Variants in MSRA observed in about 807,000 individuals in gnomAD.
The protein encoded by MSRA is mitochondrial peptide methionine sulfoxide reductase.
MSRA carries 54 observed loss-of-function variants against 31.3 expected under a neutral mutation model. The ratio of observed to expected loss-of-function variants is 1.73; its 90% CI spans 1.39 to 2.17. The LOEUF (loss-of-function observed/expected upper bound fraction) is 2.17, where lower values mean the gene tolerates loss of function less well. Among genes scored for constraint, MSRA ranks in the 30% most tolerant of loss-of-function variants. The pLI is 0.00. For missense variants in MSRA, 507 were observed against 300.9 expected (o/e 1.69, Z -5.07); for synonymous variants, 169 against 116.5 (o/e 1.45, Z -2.90).
chr8:10,219,634 G>A (rs1435638755), intron 2 of MSRA, among the ~76,000 whole-genome samples: 5 of 151,668 alleles, frequency 3.3e-5, no homozygotes, highest in South Asian at 2.1e-4. Flanking sequence ...GTGAAACCCC[G>A]TCTCTACTAA....
chr8:10,266,948 T>G (rs1481652874), intron 3 of MSRA, among the ~76,000 whole-genome samples: 1 of 152,242 alleles, frequency 6.6e-6, no homozygotes, highest in Non-Finnish European at 1.5e-5. Flanking sequence ...TCATAATACA[T>G]TTAATGAAAG....
intron 3 of MSRA, among the ~76,000 whole-genome samples, chr8:10,246,341 C>G (rs1797622424): frequency 1.3e-5 from 2 of 152,204 alleles, no homozygotes; most frequent in African/African-American, 4.8e-5. Context: ...CAGATTACCT[C>G]TCTGGACTTG....
intron 1 of MSRA, among the ~76,000 whole-genome samples, chr8:10,088,889 G>A (rs528109266): frequency 1.3e-5 from 2 of 152,156 alleles, no homozygotes; most frequent in African/African-American, 4.8e-5. Flanking sequence ...CACAGAGAGA[G>A]AAATATTACA....
intron 1 of MSRA, among the ~76,000 whole-genome samples, chr8:10,151,204 G>T (rs1803637471): frequency 6.7e-6 from 1 of 149,570 alleles, no homozygotes; most frequent in Non-Finnish European, 1.5e-5. Context: ...GGGAGGCGCA[G>T]TGAGCCAAGA....
intron 5 of MSRA, among the ~76,000 whole-genome samples, chr8:10,366,367 C>G (rs746123236): frequency 4.6e-5 from 7 of 152,218 alleles, no homozygotes; most frequent in Non-Finnish European, 8.8e-5. Context: ...TCGGAAGATG[C>G]GAGGGCCCCA....
At chr8:10,108,206 T>A (rs1333588730) in intron 1 of MSRA, among the ~76,000 whole-genome samples, 4 of 152,228 alleles carry the variant, frequency 2.6e-5, no homozygotes, top group Non-Finnish European at 4.4e-5. Context: ...TGTTCTTAAG[T>A]CTCTGTTGCA....
At chr8:10,169,610 G>T (rs1174809843) in intron 1 of MSRA, among the ~76,000 whole-genome samples, 1 of 152,152 alleles carries the variant, frequency 6.6e-6, no homozygotes, top group East Asian at 1.9e-4. Context: ...AAAAGAAAAT[G>T]ATAGATTGGA....
intron 1 of MSRA, among the ~76,000 whole-genome samples, chr8:10,179,043 A>C (rs781543159): frequency 2.0e-5 from 3 of 152,180 alleles, no homozygotes; most frequent in South Asian, 2.1e-4. Context: ...AGAAAGAGTT[A>C]AAACTCCCTA....
At chr8:10,197,054 G>A (rs1438383030) in intron 1 of MSRA, among the ~76,000 whole-genome samples, 6 of 152,086 alleles carry the variant, frequency 3.9e-5, no homozygotes, top group Admixed American at 6.5e-5. Flanking sequence ...TACTTTCAAC[G>A]TTGTTATTCA....
At chr8:10,420,380 C>T (rs758209779) in intron 5 of MSRA, among the ~76,000 whole-genome samples, 33 of 151,486 alleles carry the variant, frequency 2.2e-4, no homozygotes, top group Non-Finnish European at 3.2e-4. Context: ...AATATTGGGG[C>T]TTCTCATCTA....
At chr8:10,173,514 C>T (rs149502004) in intron 1 of MSRA, among the ~76,000 whole-genome samples, 4 of 152,330 alleles carry the variant, frequency 2.6e-5, no homozygotes, top group East Asian at 1.9e-4. Flanking sequence ...CTGAAGGAAT[C>T]GGCCTCCTCT....
intron 3 of MSRA, among the ~76,000 whole-genome samples, chr8:10,288,285 G>T (rs1800045084): frequency 6.6e-6 from 1 of 151,972 alleles, no homozygotes; most frequent in South Asian, 2.1e-4. Flanking sequence ...TATACCACTA[G>T]TTACTGTGGC....
chr8:10,307,169 ATT>A (rs5889329), intron 4 of MSRA, among the ~76,000 whole-genome samples: 10,366 of 133,016 alleles, frequency 0.078, 376 homozygotes, highest in African/African-American at 0.11. Context: ...AAGGATGCAC[ATT>A]TTTTTTTTTT....
chr8:10,117,483 C>T (rs1040432503), intron 1 of MSRA, among the ~76,000 whole-genome samples: 1 of 152,094 alleles, frequency 6.6e-6, no homozygotes, highest in Non-Finnish European at 1.5e-5. Context: ...ACTTGGGGCT[C>T]GTCTTTTGGG....
intron 1 of MSRA, among the ~76,000 whole-genome samples, chr8:10,151,929 G>T (rs1165497701): frequency 7.2e-5 from 11 of 152,166 alleles, no homozygotes; most frequent in Admixed American, 2.0e-4. Flanking sequence ...AGTTTTAGAA[G>T]GTCAGTGTCT....
intron 5 of MSRA, among the ~76,000 whole-genome samples, chr8:10,364,172 C>T (rs1585590362): frequency 6.6e-6 from 1 of 152,136 alleles, no homozygotes; most frequent in Admixed American, 6.5e-5. Context: ...TTGTTCTGGC[C>T]AGAACACCTG....
chr8:10,409,921 T>A (rs1808053971), intron 5 of MSRA, among the ~76,000 whole-genome samples: 1 of 152,114 alleles, frequency 6.6e-6, no homozygotes, highest in Admixed American at 6.5e-5. Context: ...TAGCCTGGCA[T>A]GGGTGGCACG....
rs140583318 is a variant in MSRA at position 10,080,990 on chromosome 8, A to G, written c.142+26332A>G. Among the ~76,000 whole-genome samples the G allele has an allele frequency of 2.4e-4, 36 of 152,362 alleles. No individual in the cohort carries two copies. The East Asian group carries it at 6.0e-3, about 25-fold the overall frequency. ...AAACTGTCTTGACAGAGAAGTAGCAAACGGGAAACAGGCTGAGGTTGGATG... is the reference window on the plus strand; with the variant it reads ...AAACTGTCTTGACAGAGAAGTAGCAGACGGGAAACAGGCTGAGGTTGGATG... On this transcript the variant is annotated intron_variant, in intron 1 of 5. Transcript: ENST00000317173.
At chr8:10,318,310 G>C (rs1248195545) in intron 4 of MSRA, among the ~76,000 whole-genome samples, 2 of 152,128 alleles carry the variant, frequency 1.3e-5, no homozygotes, top group Non-Finnish European at 2.9e-5. Flanking sequence ...GCTCATGTGA[G>C]GATGAAACAA....
Sources: gnomAD v4.1 joint callset for allele counts (sites outside exome capture counted in the v4.1 genomes callset) on GRCh38, gnomAD v4.1.1 for gene constraint, MANE v1.5 for transcripts, NCBI Gene and HGNC (gene_info 2026-07-23, HGNC 2026-07-21) for gene names.